The following IFT140 variants were observed in gnomAD, a reference collection of about 807,000 sequenced individuals.
IFT140 encodes intraflagellar transport protein 140 homolog.
Under a neutral mutation model 164.6 loss-of-function variants are expected in IFT140, and 133 were observed. That is an observed-to-expected ratio of 0.81 (90% CI 0.70 to 0.93). The LOEUF is 0.93. Ranked by LOEUF, IFT140 falls within the 40% of genes least tolerant of loss-of-function variation. IFT140 has a pLI of 0.00. For synonymous variants in IFT140, 860 were observed against 817.3 expected (o/e 1.05, Z -0.89); for missense variants, 2,045 against 1,972.3 (o/e 1.04, Z -0.70).
intron 13 of IFT140, among the ~76,000 whole-genome samples, chr16:1,575,418 G>A (rs1258051892): frequency 6.6e-6 from 1 of 151,910 alleles, no homozygotes; most frequent in Non-Finnish European, 1.5e-5. Context: ...AGCCAGGCAT[G>A]GTGGTGCATA....
intron 19 of IFT140, among the ~76,000 whole-genome samples, chr16:1,537,829 C>T (rs1202645121): frequency 6.6e-6 from 1 of 152,212 alleles, no homozygotes; most frequent in African/African-American, 2.4e-5. Flanking sequence ...GGGGGAGCCC[C>T]ACCCCTCTCT....
In IFT140 at chr16:1,607,208, A is replaced by C. The variant is rs760712546; in HGVS notation, c.59T>G (p.Phe20Cys). The C allele has an allele frequency of 6.2e-7, 1 of 1,614,166 alleles. No homozygotes were observed. Among genetic ancestry groups the C allele is most frequent in the Admixed American group, 1.7e-5 (1 of 60,008 alleles). Reference protein sequence around the residue: ...EAPDAAGSPSFISWHPVHPFL... With the variant: ...EAPDAAGSPSCISWHPVHPFL... Reference sequence around the variant, plus strand: ...TGGATGGACAGGGTGCCAGCTGATAAATGAGGGTGACCCTGCTGCATCCGG... The same window carrying C: ...TGGATGGACAGGGTGCCAGCTGATACATGAGGGTGACCCTGCTGCATCCGG... Residue 20 changes from phenylalanine to cysteine, a missense_variant, in exon 3 of 31, where the codon TTT becomes TGT. Phe to Cys is a radical substitution (Grantham distance 205). Coordinates refer to ENST00000426508, the MANE Select transcript of IFT140 (RefSeq NM_014714.4).
Position 1,526,814 on chromosome 16 carries a change from T to G in IFT140, c.2400-18A>C. 6.3e-7 allele frequency: 1 copy of G among 1,599,784 alleles called. No individual in the cohort carries two copies. The highest frequency in any genetic ancestry group is 8.5e-7 in the Non-Finnish European group (1 of 1,173,652). ...CGGCCTCACTGTGGGCAGACGGGGG[T>G]CTGTGAGGCTCCTGCCCAGCACCTC... is the stretch of plus-strand genomic sequence containing the variant. On this transcript the variant is annotated intron_variant, in intron 19 of 30. Coordinates refer to ENST00000426508, the MANE Select transcript of IFT140 (RefSeq NM_014714.4).
chr16:1,594,663 C>T (rs1047357234), intron 4 of IFT140, among the ~76,000 whole-genome samples: 1 of 152,228 alleles, frequency 6.6e-6, no homozygotes, highest in African/African-American at 2.4e-5. Context: ...GTCGCAACTG[C>T]GCGGCACAGA....
At chr16:1,522,459 C>T (rs971153603) in intron 26 of IFT140, among the ~76,000 whole-genome samples, 14 of 152,184 alleles carry the variant, frequency 9.2e-5, no homozygotes, top group African/African-American at 3.4e-4. Flanking sequence ...CACTTGAACC[C>T]GGGAGGTGGA....
chr16:1,519,846 G>A, intron 29 of IFT140, 35 bp downstream of exon 29: 4 of 1,510,856 alleles, frequency 2.6e-6, no homozygotes, highest in Non-Finnish European at 3.5e-6. Context: ...AGTCACATCT[G>A]CCCTGGCCTG....
At chr16:1,569,306 C>G (rs186618861) in intron 14 of IFT140, among the ~76,000 whole-genome samples, 1 of 152,186 alleles carries the variant, frequency 6.6e-6, no homozygotes, top group Non-Finnish European at 1.5e-5. Context: ...CCGCGCTCGG[C>G]CGTGGAATTC....
chr16:1,551,068 G>A lies in IFT140; in HGVS notation c.2399+6867C>T, dbSNP rs2032595367. Among the ~76,000 whole-genome samples the A allele has an allele frequency of 6.6e-6, 1 of 152,276 alleles. No homozygotes were observed. The highest frequency in any genetic ancestry group is 6.5e-5 in the Admixed American group (1 of 15,296). ...TGGTCACTCAACTGCCAAGGCTGCT[G>A]TTCCTCCTCGCCTTTCCCGCAGCTC... On this transcript the variant is annotated intron_variant, in intron 19 of 30. Coordinates refer to ENST00000426508, the MANE Select transcript of IFT140 (RefSeq NM_014714.4). This position sits in a 1 kb window ranked among gnomAD's most constrained non-coding sequence, Gnocchi z 4.0.
intron 30 of IFT140, among the ~76,000 whole-genome samples, chr16:1,516,403 G>A (rs754534728): frequency 6.6e-6 from 1 of 152,020 alleles, no homozygotes; most frequent in Middle Eastern, 3.4e-3. Flanking sequence ...GTAATCTCCA[G>A]GGCAAACACT....
Position 1,612,068 on chromosome 16 carries a change from G to A in IFT140, c.-322C>T, listed in dbSNP as rs898921771. 2.6e-5 allele frequency: 4 copies of A among 152,248 alleles called. No homozygotes were observed. The highest frequency in any genetic ancestry group is 7.2e-5 in the African/African-American group (3 of 41,444). The allele number at this position is 152,248 out of a possible 1,614,324, so 9.4% of individuals were successfully genotyped here. A position where few individuals can be genotyped will look rare whatever the true frequency, so the allele number is the denominator to read the frequency against. ...TTCTTCTCACGTATCCGTCAACACTGCTGCGGCCAATCACAGCACGGGCCC... is the reference window on the plus strand; with the variant it reads ...TTCTTCTCACGTATCCGTCAACACTACTGCGGCCAATCACAGCACGGGCCC... On this transcript the variant is annotated 5_prime_UTR_variant, in exon 1 of 31. Coordinates refer to ENST00000426508, the MANE Select transcript of IFT140 (RefSeq NM_014714.4).
intron 24 of IFT140, 197 bp from the exon 25 acceptor site, chr16:1,524,153 TTTC>T: frequency 2.8e-6 from 2 of 714,054 alleles, no homozygotes; most frequent in Non-Finnish European, 2.3e-6. Flanking sequence ...CTGGGTTCTA[TTTC>T]ACAGAGCACT....
chr16:1,584,242 T>C lies in IFT140; in HGVS notation c.1334A>G (p.His445Arg), dbSNP rs2141817075. The part of the protein sequence containing the change: ...GVAHSLRTDM[H>R]ISGVFATKDA... ...CTTGGTGGCAAACACTCCACTGATG[T>C]GCATGTCGGTGCGCAGGCTGTGTGC... Residue 445 changes from histidine to arginine, a missense_variant, in exon 11 of 31, where the codon CAC (histidine) becomes CGC (arginine). His to Arg is a conservative substitution (Grantham distance 29). Transcript: ENST00000426508. 4 of 1,613,780 alleles carry C rather than the reference T, an allele frequency of 2.5e-6. No individual in the cohort carries two copies. The highest frequency in any genetic ancestry group is 1.3e-5 in the African/African-American group (1 of 75,034).
chr16:1,561,354 AT>A (rs1282440426), intron 18 of IFT140, among the ~76,000 whole-genome samples: 1 of 152,250 alleles, frequency 6.6e-6, no homozygotes, highest in African/African-American at 2.4e-5. Context: ...AGAGAAGGAA[AT>A]AACTTGTTCA....
At chr16:1,541,125 A>C in intron 19 of IFT140, 1 of 985,432 alleles carries the variant, frequency 1.0e-6, no homozygotes, top group South Asian at 4.7e-5. Context: ...CTGACCACGC[A>C]TCCATGTGCC....
intron 19 of IFT140, chr16:1,532,655 G>T (rs1047448521): frequency 6.6e-6 from 1 of 152,276 alleles, no homozygotes; most frequent in African/African-American, 2.4e-5. Context: ...GTGTGCCCAT[G>T]AACAGTTTGC....
Position 1,589,918 on chromosome 16 carries a change from C to T in IFT140, c.635-138G>A, listed in dbSNP as rs148387311. 1.9e-4 allele frequency: 139 copies of T among 745,718 alleles called. No individual in the cohort carries two copies. In the East Asian group the frequency reaches 2.5e-3, roughly 14 times the overall value. 46.2% of individuals were successfully genotyped at this position (745,718 alleles called of 1,614,324 possible). On this transcript the variant is annotated intron_variant, in intron 6 of 30. Transcript: ENST00000426508. ...TCAGTATAAGAACTTAAAAATGGGC[C>T]GGGCAAAGTGGCTCATGCCTGTAAT...
chr16:1,525,941 T>C lies in IFT140; in HGVS notation c.2714A>G (p.His905Arg), dbSNP rs1255418645. ...HDRVHLRSTY[H>R]RYAGHLEASA... ...GGCCTCCAGGTGCCCGGCATAGCGG[T>C]GGTAGGTGCTGCGCAGGTGCACGCG... Residue 905 changes from histidine to arginine, a missense_variant, in exon 21 of 31, where the codon CAC becomes CGC. Transcript: ENST00000426508. The C allele has an allele frequency of 2.5e-6, 4 of 1,576,304 alleles. No individual in the cohort carries two copies. Among genetic ancestry groups the C allele is most frequent in the East Asian group, 2.3e-5 (1 of 42,712 alleles).
At chr16:1,587,332 G>A in intron 8 of IFT140, 28 bp from the exon 9 acceptor site, 1 of 1,449,496 alleles carries the variant, frequency 6.9e-7, no homozygotes, top group Non-Finnish European at 9.7e-7. Context: ...AAGCCCCATG[G>A]AGGGCCTGTG....
intron 3 of IFT140, among the ~76,000 whole-genome samples, chr16:1,606,256 A>G (rs1277825450): frequency 6.6e-6 from 1 of 152,242 alleles, no homozygotes; most frequent in Non-Finnish European, 1.5e-5. Context: ...ACAGAGGAAG[A>G]TGCCTCAGGA....
Sources: allele counts gnomAD v4.1 joint callset (sites outside exome capture counted in the v4.1 genomes callset), GRCh38; gene constraint gnomAD v4.1.1; non-coding constraint Gnocchi (gnomAD v3.1); transcripts MANE v1.5; gene names NCBI Gene and HGNC (gene_info 2026-07-23, HGNC 2026-07-21).